Variants in ZNF532 observed in about 807,000 individuals in gnomAD.
ZNF532 encodes zinc finger protein 532.
A neutral mutation model predicts 89.3 loss-of-function variants in ZNF532; 22 were observed. The observed-to-expected ratio is 0.25, with a 90% CI of 0.18 to 0.35. ZNF532 has a LOEUF of 0.35. Among genes scored for constraint, ZNF532 ranks in the 10% least tolerant of loss-of-function variants. The pLI is 1.00. For synonymous variants in ZNF532, 606 were observed against 649.6 expected, an observed-to-expected ratio of 0.93 and a Z score of 1.02; for missense variants, 1,132 against 1,643.4, an observed-to-expected ratio of 0.69 and a Z score of 5.38.
At chr18:58,927,115 T>C (rs2146289564) in intron 3 of ZNF532, among the ~76,000 whole-genome samples, 1 of 152,324 alleles carries the variant, frequency 6.6e-6, no homozygotes, top group South Asian at 2.1e-4. Context: ...AATTCTCCAA[T>C]GAAACCATCT....
intron 2 of ZNF532, among the ~76,000 whole-genome samples, chr18:58,872,153 T>C (rs112421561): frequency 6.6e-6 from 1 of 152,212 alleles, no homozygotes; most frequent in African/African-American, 2.4e-5. Context: ...ATATTCCTTA[T>C]GAAGGATCAC....
At chr18:58,892,101 A>G (rs754370326) in intron 2 of ZNF532, among the ~76,000 whole-genome samples, 12 of 152,228 alleles carry the variant, frequency 7.9e-5, no homozygotes, top group Admixed American at 1.3e-4. Context: ...GCATGAGTAA[A>G]TTATTTTAAT....
rs114336778 is a variant in ZNF532 at position 58,921,350 on chromosome 18, A to C, written c.2346+717A>C. Among the ~76,000 whole-genome samples, 423 of 152,280 alleles carry C rather than the reference A, an allele frequency of 2.8e-3. 2 individuals are homozygous for C. The highest frequency in any genetic ancestry group is 9.8e-3 in the African/African-American group (406 of 41,552). ...AATTTTGATATTTAGAAAAATACTT[A>C]CTGTTATTTATTTATCTATCTGCTG... On this transcript the variant is annotated intron_variant, in intron 3 of 9. Transcript: ENST00000591808.
intron 3 of ZNF532, chr18:58,926,132 T>G (rs1005832894): frequency 1.3e-5 from 2 of 152,158 alleles, no homozygotes; most frequent in Non-Finnish European, 2.9e-5. Flanking sequence ...CTTGCTGGGA[T>G]TTTGATAGGA....
intron 7 of ZNF532, among the ~76,000 whole-genome samples, chr18:58,964,535 TTG>T (rs200298951): frequency 0.29 from 39,989 of 138,186 alleles, 5,779 homozygotes; most frequent in East Asian, 0.41. Flanking sequence ...GATATTTTGT[TTG>T]TGTGTGTGTG....
At chr18:58,953,999 A>G in intron 7 of ZNF532, 200 bp downstream of exon 7, 5 of 985,382 alleles carry the variant, frequency 5.1e-6, no homozygotes, top group Non-Finnish European at 6.0e-6. Context: ...TTTCCTGGTC[A>G]TTGCCTTCAC....
rs1219372684 is a variant in ZNF532, at chr18:58,979,051, C to G, written c.3151-4C>G. The G allele has an allele frequency of 6.2e-7, 1 of 1,605,976 alleles. No homozygotes were observed. The highest frequency in any genetic ancestry group is 8.5e-7 in the Non-Finnish European group (1 of 1,173,626). On this transcript the variant is annotated splice_polypyrimidine_tract_variant and splice_region_variant and intron_variant, in intron 7 of 9. Coordinates refer to ENST00000591808, the MANE Select transcript of ZNF532 (RefSeq NM_001375912.1). The stretch of plus-strand genomic sequence containing the variant: ...CTTAAGTGAACTTTCTCTCCTTCCT[C>G]CAGCAAATGAAGAAACACCCCTGCC...
At chr18:58,920,793 T>TGGGGA (rs1421368503) in intron 3 of ZNF532, among the ~76,000 whole-genome samples, 160 bp downstream of exon 3, 1 of 55,986 alleles carries the variant, frequency 1.8e-5, no homozygotes, top group Non-Finnish European at 3.6e-5. Flanking sequence ...TGTGTGTGTT[T>TGGGGA]GGGGAGGGGA....
In ZNF532 at chr18:58,894,784, A is replaced by G. The variant is rs2059140188; in HGVS notation, c.-17-23487A>G. Among the ~76,000 whole-genome samples, 7 of 152,178 alleles carry G rather than the reference A, an allele frequency of 4.6e-5. No homozygotes were observed. In the South Asian group the frequency reaches 1.4e-3, roughly 32 times the overall value. On this transcript the variant is annotated intron_variant, in intron 2 of 9. Transcript: ENST00000591808. ...TGTCAATTTTTCTAGATATTTTAGC[A>G]TATTTTCTAGGTTAATGTTGTTGTC...
intron 7 of ZNF532, chr18:58,977,377 G>C (rs2067180863): frequency 6.6e-6 from 1 of 152,168 alleles, no homozygotes; most frequent in African/African-American, 2.4e-5. Flanking sequence ...CCTCACAGGG[G>C]TGGGAGTGGA....
intron 7 of ZNF532, among the ~76,000 whole-genome samples, chr18:58,956,957 C>T (rs2064842479): frequency 6.6e-6 from 1 of 152,168 alleles, no homozygotes; most frequent in African/African-American, 2.4e-5. Context: ...ATACAGATAG[C>T]ACCCAAATCT....
At chr18:58,900,437 C>T (rs551369732) in intron 2 of ZNF532, among the ~76,000 whole-genome samples, 1 of 152,302 alleles carries the variant, frequency 6.6e-6, no homozygotes, top group African/African-American at 2.4e-5. Context: ...TCCTCTCCCT[C>T]CTCCCTAGCT....
At chr18:58,872,984 C>CAA (rs1047481860) in intron 2 of ZNF532, among the ~76,000 whole-genome samples, 2 of 152,162 alleles carry the variant, frequency 1.3e-5, no homozygotes, top group African/African-American at 4.8e-5. Flanking sequence ...AGGCGTGAGC[C>CAA]AACACACCCG....
At chr18:58,928,231 C>T (rs1439394101) in intron 3 of ZNF532, among the ~76,000 whole-genome samples, 1 of 152,178 alleles carries the variant, frequency 6.6e-6, no homozygotes, top group African/African-American at 2.4e-5. Context: ...CACCACCTCC[C>T]CTTACGCATG....
intron 7 of ZNF532, among the ~76,000 whole-genome samples, chr18:58,967,331 TA>T (rs1352431917): frequency 6.6e-6 from 1 of 152,198 alleles, no homozygotes; most frequent in Non-Finnish European, 1.5e-5. Flanking sequence ...TCCATGATCT[TA>T]CCCTGCCTCC....
upstream of ZNF532, chr18:58,863,519 C>G: frequency 8.1e-4 from 5 of 6,188 alleles, no homozygotes; most frequent in Non-Finnish European, 7.7e-4. Flanking sequence ...CCGCCGCCGC[C>G]GCCGCCCGGC....
At chr18:58,884,574 T>C (rs1284509774) in intron 2 of ZNF532, among the ~76,000 whole-genome samples, 1 of 152,370 alleles carries the variant, frequency 6.6e-6, no homozygotes, top group Non-Finnish European at 1.5e-5. Flanking sequence ...TCACTTCTAA[T>C]GTAGGAAATC....
At chr18:58,913,816 A>G (rs1036150127) in intron 2 of ZNF532, among the ~76,000 whole-genome samples, 1 of 152,144 alleles carries the variant, frequency 6.6e-6, no homozygotes, top group African/African-American at 2.4e-5. Flanking sequence ...TAGGACTGTT[A>G]TGATTTAGAG....
At chr18:58,885,066 G>A (rs989923057) in intron 2 of ZNF532, among the ~76,000 whole-genome samples, 7 of 147,794 alleles carry the variant, frequency 4.7e-5, no homozygotes, top group Non-Finnish European at 7.4e-5. Context: ...ACGGCTCACC[G>A]CAGCCTCCGC....
Sources: allele counts gnomAD v4.1 joint callset (sites outside exome capture counted in the v4.1 genomes callset), GRCh38; gene constraint gnomAD v4.1.1; transcripts MANE v1.5; gene names NCBI Gene and HGNC (gene_info 2026-07-23, HGNC 2026-07-21).